DST: variants seen among roughly 807,000 people sequenced by gnomAD.
The protein encoded by DST is bullous pemphigoid antigen.
A neutral mutation model predicts 875.2 loss-of-function variants in DST; 253 were observed. The observed-to-expected ratio is 0.29, with a 90% CI of 0.26 to 0.32. The LOEUF (loss-of-function observed/expected upper bound fraction) is 0.32, where lower values mean the gene tolerates loss of function less well. Among genes scored for constraint, DST ranks in the 10% least tolerant of loss-of-function variants. The pLI is 1.00. For synonymous variants in DST, 3,124 were observed against 3,197.1 expected (o/e 0.98, Z 0.77); for missense variants, 8,287 against 9,111.6 (o/e 0.91, Z 3.68).
At chr6:56,896,661 A>T (rs1390236719) in intron 3 of DST, among the ~76,000 whole-genome samples, 1 of 152,182 alleles carries the variant, frequency 6.6e-6, no homozygotes, top group East Asian at 1.9e-4. Context: ...TTCTTGCAGG[A>T]GTGAGGTGGT....
chr6:56,716,324 C>T (rs1436048889), intron 5 of DST, among the ~76,000 whole-genome samples: 1 of 152,174 alleles, frequency 6.6e-6, no homozygotes. Context: ...GCCTTTTCAA[C>T]AAATGATGCT....
At chr6:56,647,861 T>G (rs1319353410) in intron 13 of DST, among the ~76,000 whole-genome samples, 1 of 152,010 alleles carries the variant, frequency 6.6e-6, no homozygotes, top group Non-Finnish European at 1.5e-5. Flanking sequence ...GATTTTTGTA[T>G]TTTTAATAGA....
chr6:56,661,788 A>G (rs1457475918), intron 10 of DST, among the ~76,000 whole-genome samples: 1 of 152,030 alleles, frequency 6.6e-6, no homozygotes, highest in Non-Finnish European at 1.5e-5. Context: ...CCGTTTCTCC[A>G]TGTTGGCCAG....
intron 4 of DST, among the ~76,000 whole-genome samples, chr6:56,740,825 A>G (rs1350319005): frequency 6.6e-6 from 1 of 152,208 alleles, no homozygotes; most frequent in Non-Finnish European, 1.5e-5. Context: ...GTAAATGAAA[A>G]AAATTACTTC....
chr6:56,491,335 G>C (rs113324411), intron 85 of DST, among the ~76,000 whole-genome samples: 1 of 152,076 alleles, frequency 6.6e-6, no homozygotes, highest in East Asian at 1.9e-4. Flanking sequence ...ACAACACTAA[G>C]GCTAGAAAAT....
intron 4 of DST, among the ~76,000 whole-genome samples, chr6:56,792,819 T>C (rs961484094): frequency 2.6e-5 from 4 of 152,066 alleles, no homozygotes; most frequent in Admixed American, 1.3e-4. Context: ...TCTAGCCCCA[T>C]CACTTTGGGA....
intron 9 of DST, among the ~76,000 whole-genome samples, chr6:56,698,122 T>C (rs556938371): frequency 6.6e-6 from 1 of 152,164 alleles, no homozygotes; most frequent in African/African-American, 2.4e-5. Context: ...ACTAACACCT[T>C]TTCCTTTGAT....
chr6:56,782,843 T>C (rs1244741682), intron 4 of DST, among the ~76,000 whole-genome samples: 3 of 152,356 alleles, frequency 2.0e-5, no homozygotes, highest in Admixed American at 2.0e-4. Context: ...TCTTTCCTGC[T>C]TTCTCTTGTG....
intron 9 of DST, among the ~76,000 whole-genome samples, chr6:56,689,135 C>A (rs1410568037): frequency 6.6e-6 from 1 of 152,136 alleles, no homozygotes; most frequent in Admixed American, 6.6e-5. Flanking sequence ...CATAACAGAA[C>A]ACTTCAGAGA....
chr6:56,640,591 C>G lies in DST; in HGVS notation c.2042G>C (p.Arg681Pro). Residue 681 changes from arginine to proline, a missense_variant, in exon 18 of 104, where the codon CGT becomes CCT. Coordinates refer to ENST00000680361, the MANE Select transcript of DST (RefSeq NM_001374736.1). Reference sequence around the variant, plus strand: ...GTTCCTTAAGGCCATAATTTCGTCACGCAGTTTTGCAACCCTGAAAAGAAA... The same window carrying G: ...GTTCCTTAAGGCCATAATTTCGTCAGGCAGTTTTGCAACCCTGAAAAGAAA... ...DQLVQRVAKL[R>P]DEIMALRNEC... is the part of the protein sequence containing the mutation. The G allele has an allele frequency of 1.2e-6, 2 of 1,614,024 alleles. No individual in the cohort carries two copies. Among genetic ancestry groups the G allele is most frequent in the Non-Finnish European group, 1.7e-6 (2 of 1,179,998 alleles).
At chr6:56,581,364 A>G (rs763180156) in intron 49 of DST, among the ~76,000 whole-genome samples, 1 of 152,196 alleles carries the variant, frequency 6.6e-6, no homozygotes, top group African/African-American at 2.4e-5. Context: ...GATGGGGTGG[A>G]AATGGGCCCA....
chr6:56,883,682 T>C (rs1250712319), intron 3 of DST, among the ~76,000 whole-genome samples: 2 of 152,186 alleles, frequency 1.3e-5, no homozygotes, highest in Admixed American at 1.3e-4. Context: ...AGTAAAACTA[T>C]AGAGAACTGC....
chr6:56,733,277 G>A (rs1210090874), intron 5 of DST, among the ~76,000 whole-genome samples: 1 of 152,088 alleles, frequency 6.6e-6, no homozygotes, highest in Non-Finnish European at 1.5e-5. Context: ...AAAAGAGTCT[G>A]AACCCCAAAC....
intron 4 of DST, among the ~76,000 whole-genome samples, chr6:56,787,111 A>T (rs1222030438): frequency 6.6e-6 from 1 of 152,214 alleles, no homozygotes; most frequent in Admixed American, 6.5e-5. Context: ...CATTTTATAC[A>T]TGAGGAACTG....
intron 36 of DST, chr6:56,616,137 A>C (rs763384050): frequency 5.6e-6 from 9 of 1,614,044 alleles, no homozygotes; most frequent in Non-Finnish European, 7.6e-6. Context: ...GGACTGTGCA[A>C]ATCTTTCTTG....
At position 56,560,170 on chromosome 6, in the gene DST, T is replaced by G. The variant is rs2097514048; in HGVS notation, c.14440+124A>C. 6.1e-6 allele frequency: 6 copies of G among 985,456 alleles called. No homozygotes were observed. In the East Asian group the frequency reaches 1.7e-4, roughly 28 times the overall value. The allele number at this position is 985,456 out of a possible 1,614,324, so 61.0% of individuals were successfully genotyped here. ...ATGACACTTTATGCAAAAAATAGAT[T>G]CTGAAACATTAAAGCAAATCCAAAA... On this transcript the variant is annotated intron_variant, in intron 58 of 103. Transcript: ENST00000680361.
rs753285303 is a variant in DST, at chr6:56,459,078, G to A, written c.23384C>T (p.Ala7795Val). Residue 7795 changes from alanine to valine, a missense_variant, in exon 104 of 104, where the codon GCG (alanine) becomes GTG (valine). Around this residue, in one of 10 missense-constraint regions of DST, gnomAD observed 240 missense variants for 237.3 expected, o/e 1.01. Coordinates refer to ENST00000680361, the MANE Select transcript of DST (RefSeq NM_001374736.1). ...TPRAGSRPSTAKPSKIPTPQR... is the reference protein window; with the variant it reads ...TPRAGSRPSTVKPSKIPTPQR... The stretch of plus-strand genomic sequence containing the variant: ...GGGCGTGGGGATTTTTGAAGGCTTC[G>A]CTGTGGATGGCCGAGAACCTGCTCG... The A allele has an allele frequency of 1.9e-5, 31 of 1,613,856 alleles. 1 individual carries two copies. The highest frequency in any genetic ancestry group is 1.9e-4 in the South Asian group (17 of 91,092).
chr6:56,733,878 CAG>C lies in DST; in HGVS notation c.687+1348_687+1349del, dbSNP rs538873038. 2.1e-3 allele frequency among the ~76,000 whole-genome samples: 318 copies of C among 151,824 alleles called. 1 individual carries two copies. Among genetic ancestry groups the C allele is most frequent in the African/African-American group, 7.3e-3 (302 of 41,390 alleles). On this transcript the variant is annotated intron_variant, in intron 5 of 103. Transcript: ENST00000680361. ...GGAGTCACAACAAGGGTGAAAAAAA[CAG>C]GGGGAAATAAGTGAATAATATTAAA...
chr6:56,473,080 G>T (rs2152401019), intron 93 of DST, among the ~76,000 whole-genome samples: 1 of 152,256 alleles, frequency 6.6e-6, no homozygotes, highest in East Asian at 1.9e-4. Context: ...GCAGTCCAAT[G>T]AAGTTATAAT....
Sources: gnomAD v4.1 joint callset for allele counts (sites outside exome capture counted in the v4.1 genomes callset) on GRCh38, gnomAD v4.1.1 for gene constraint, gnomAD v4.1.1 regional missense constraint, MANE v1.5 for transcripts, NCBI Gene and HGNC (gene_info 2026-07-23, HGNC 2026-07-21) for gene names.